Variants in ZCCHC8 observed in about 807,000 individuals in gnomAD.
ZCCHC8 encodes zinc finger CCHC-type containing 8.
ZCCHC8 carries 27 observed loss-of-function variants against 70.6 expected under a neutral mutation model. That is an observed-to-expected ratio of 0.38 (90% CI 0.28 to 0.53). ZCCHC8 has a LOEUF of 0.53. Among genes scored for constraint, ZCCHC8 ranks in the 20% least tolerant of loss-of-function variants. The probability of loss-of-function intolerance (pLI) is 0.81; values close to 1 mark genes in which losing one functional copy is unlikely to be tolerated. For synonymous variants in ZCCHC8, 293 were observed against 317.4 expected, an observed-to-expected ratio of 0.92 and a Z score of 0.82; for missense variants, 737 against 876.9, an observed-to-expected ratio of 0.84 and a Z score of 2.01.
At chr12:122,489,262 A>C (rs1468571415) in intron 5 of ZCCHC8, 124 bp downstream of exon 5, 1 of 828,002 alleles carries the variant, frequency 1.2e-6, no homozygotes, top group Non-Finnish European at 1.8e-6. Flanking sequence ...TATTTACCAC[A>C]AAAAGATGCT....
chr12:122,473,863 A>G lies in ZCCHC8; in HGVS notation c.1758T>C (p.Ile586=). 6.2e-7 allele frequency: 1 copy of G among 1,613,892 alleles called. No individual in the cohort carries two copies. The highest frequency in any genetic ancestry group is 8.5e-7 in the Non-Finnish European group (1 of 1,179,878). Residue 586 remains isoleucine, a synonymous_variant, in exon 14 of 14, where the codon ATT becomes ATC. Transcript: ENST00000633063. ...QTLDEPEVPE[I]FTKKSEAGHA... ...GTCCAGCTTCTGATTTCTTTGTAAA[A>G]ATCTCTGGTACCTCAGGCTCATCCA...
chr12:122,491,489 A>G (rs1327423997), intron 3 of ZCCHC8, among the ~76,000 whole-genome samples: 1 of 146,270 alleles, frequency 6.8e-6, no homozygotes, highest in Non-Finnish European at 1.5e-5. Flanking sequence ...AGATCTTGCC[A>G]TTGGACTCCA....
chr12:122,493,893 G>A lies in ZCCHC8; in HGVS notation c.243-1104C>T, dbSNP rs1435253243. Reference sequence around the variant, plus strand: ...CTCCCAAAGTGCTGGGATTACAGGCGTGAGCCACCGCGCCCAGCCTGTGCC... The same window carrying A: ...CTCCCAAAGTGCTGGGATTACAGGCATGAGCCACCGCGCCCAGCCTGTGCC... On this transcript the variant is annotated intron_variant, in intron 2 of 13. Coordinates refer to ENST00000633063, the MANE Select transcript of ZCCHC8 (RefSeq NM_017612.5). Among the ~76,000 whole-genome samples, 6 of 152,118 alleles carry A rather than the reference G, an allele frequency of 3.9e-5. No homozygotes were observed. In the East Asian group the frequency reaches 5.8e-4, roughly 15 times the overall value.
intron 5 of ZCCHC8, among the ~76,000 whole-genome samples, chr12:122,485,474 A>ATAT: frequency 6.6e-6 from 1 of 152,150 alleles, no homozygotes; most frequent in East Asian, 1.9e-4. Flanking sequence ...GTTGCCCTGA[A>ATAT]TATATGTTCT....
chr12:122,485,503 G>C (rs1046388520), intron 5 of ZCCHC8, among the ~76,000 whole-genome samples: 2 of 152,056 alleles, frequency 1.3e-5, no homozygotes, highest in African/African-American at 4.8e-5. Context: ...GTCAAGTTCT[G>C]ATCAGTCCTA....
chr12:122,478,081 T>C, intron 12 of ZCCHC8, 123 bp from the exon 13 acceptor site: 1 of 1,209,922 alleles, frequency 8.3e-7, no homozygotes, highest in Non-Finnish European at 1.2e-6. Flanking sequence ...TGGTGAATTT[T>C]GCCACTGTTT....
chr12:122,495,775 G>A (rs1264193659), intron 2 of ZCCHC8, among the ~76,000 whole-genome samples: 2 of 145,548 alleles, frequency 1.4e-5, no homozygotes, highest in Non-Finnish European at 3.0e-5. Flanking sequence ...TTGAACCTGG[G>A]AGGCAGAGGT....
intron 3 of ZCCHC8, 68 bp downstream of exon 3, chr12:122,492,647 G>T: frequency 1.0e-6 from 1 of 992,832 alleles, no homozygotes. Context: ...AATGAAAACA[G>T]CATATTTATA....
chr12:122,482,196 T>A, intron 8 of ZCCHC8, 109 bp from the exon 9 acceptor site: 1 of 1,225,916 alleles, frequency 8.2e-7, no homozygotes, highest in Non-Finnish European at 1.1e-6. Context: ...ATTTTAGTTT[T>A]AATGTATAAC....
At chr12:122,482,325 C>T in intron 8 of ZCCHC8, 1 of 448,346 alleles carries the variant, frequency 2.2e-6, no homozygotes, top group South Asian at 5.8e-5. Context: ...CAATTTAATT[C>T]TCATGTTTAT....
chr12:122,495,460 C>T (rs1957811538), intron 2 of ZCCHC8, among the ~76,000 whole-genome samples: 1 of 152,180 alleles, frequency 6.6e-6, no homozygotes, highest in African/African-American at 2.4e-5. Context: ...CGCTGTACTC[C>T]AGCCTGGGCA....
In ZCCHC8 at chr12:122,500,498, G is replaced by A. The variant is rs1957906695; in HGVS notation, c.199+144C>T. 1.8e-5 allele frequency: 19 copies of A among 1,084,876 alleles called. 1 individual carries two copies. In the South Asian group the frequency reaches 3.1e-4, roughly 18 times the overall value. 67.2% of individuals were successfully genotyped at this position (1,084,876 alleles called of 1,614,324 possible). A position where few individuals can be genotyped will look rare whatever the true frequency, so the allele number is the denominator to read the frequency against. On this transcript the variant is annotated intron_variant, in intron 1 of 13. Transcript: ENST00000633063. The surrounding 1 kb of genome is among the most constrained non-coding windows in gnomAD (Gnocchi z 4.8). ...AACCCTAGACTCTCGGTCCGCCGGCGGGTGACAGAAAGCACTTGGAATTCT... is the reference window on the plus strand; with the variant it reads ...AACCCTAGACTCTCGGTCCGCCGGCAGGTGACAGAAAGCACTTGGAATTCT...
At chr12:122,495,894 A>G (rs969694403) in intron 2 of ZCCHC8, among the ~76,000 whole-genome samples, 3 of 144,856 alleles carry the variant, frequency 2.1e-5, no homozygotes, top group Admixed American at 7.0e-5. Context: ...AAAAGGAGAA[A>G]CAGACTAAGC....
intron 5 of ZCCHC8, among the ~76,000 whole-genome samples, chr12:122,484,908 T>C (rs1957604085): frequency 6.6e-6 from 1 of 152,158 alleles, no homozygotes. Flanking sequence ...CCTTGTCTTC[T>C]AGGACATGCT....
rs2137317621 is a variant in ZCCHC8 at position 122,474,133 on chromosome 12, A to G, written c.1488T>C (p.Thr496=). The G allele has an allele frequency of 6.6e-7, 1 of 1,509,246 alleles. No homozygotes were observed. The allele number at this position is 1,509,246 out of a possible 1,614,324, so 93.5% of individuals were successfully genotyped here. A position where few individuals can be genotyped will look rare whatever the true frequency, so the allele number is the denominator to read the frequency against. The change falls in exon 14 of 14, where the codon ACT becomes ACC. Residue 496 remains threonine, a synonymous_variant. Coordinates refer to ENST00000633063, the MANE Select transcript of ZCCHC8 (RefSeq NM_017612.5). ...PPLPKGTPPL[T]PSDSPQTRTA... is the part of the protein sequence containing the mutation. ...TTCTGGTCTGGGGTGAGTCACTGGG[A>G]GTCAGCGGCGGGGTGCCCTTTGGGA...
intron 12 of ZCCHC8, 73 bp from the exon 13 acceptor site, chr12:122,478,031 AATG>A (rs1957454278): frequency 7.7e-7 from 1 of 1,304,880 alleles, no homozygotes; most frequent in African/African-American, 1.5e-5. Flanking sequence ...CTTCACTTAA[AATG>A]ATGTAGAAAA....
Position 122,478,267 on chromosome 12 carries a change from G to A in ZCCHC8, c.1166C>T (p.Pro389Leu). Residue 389 changes from proline (P) to leucine (L), a missense_variant, in exon 12 of 14, where the codon CCA becomes CTA. Pro to Leu is a moderately conservative substitution (Grantham distance 98). Coordinates refer to ENST00000633063, the MANE Select transcript of ZCCHC8 (RefSeq NM_017612.5). Reference protein sequence around the residue: ...PDEWRIFGSIPMQACQQKDVF... With the variant: ...PDEWRIFGSILMQACQQKDVF... Reference sequence around the variant, plus strand: ...ATCCTTCTGCTGACATGCCTGCATTGGTATGGAACCAAAGATCCTCCATTC... The same window carrying A: ...ATCCTTCTGCTGACATGCCTGCATTAGTATGGAACCAAAGATCCTCCATTC... 1 of 1,600,160 alleles carries A rather than the reference G, an allele frequency of 6.2e-7. No homozygotes were observed. Among genetic ancestry groups the A allele is most frequent in the Non-Finnish European group, 8.5e-7 (1 of 1,173,348 alleles).
At position 122,490,675 on chromosome 12, in the gene ZCCHC8, A is replaced by G. The variant is rs956403402; in HGVS notation, c.318-108T>C. ...TCAAGTGTGAATGTTGTTGTTTTTC[A>G]GAAGTTTAATAAATCACTGACTCTG... is the stretch of plus-strand genomic sequence containing the variant. On this transcript the variant is annotated intron_variant, in intron 3 of 13. Coordinates refer to ENST00000633063, the MANE Select transcript of ZCCHC8 (RefSeq NM_017612.5). 8 of 626,372 alleles carry G rather than the reference A, an allele frequency of 1.3e-5. No homozygotes were observed. In the South Asian group the frequency reaches 2.1e-4, roughly 16 times the overall value. 38.8% of individuals were successfully genotyped at this position (626,372 alleles called of 1,614,324 possible).
At chr12:122,497,734 C>T (rs1957847570) in intron 2 of ZCCHC8, among the ~76,000 whole-genome samples, 1 of 151,674 alleles carries the variant, frequency 6.6e-6, no homozygotes, top group Admixed American at 6.6e-5. Context: ...CTAGGCTGGG[C>T]ATGGTGGCTC....
Sources: allele counts gnomAD v4.1 joint callset (sites outside exome capture counted in the v4.1 genomes callset), GRCh38; gene constraint gnomAD v4.1.1; non-coding constraint Gnocchi (gnomAD v3.1); transcripts MANE v1.5; gene names NCBI Gene and HGNC (gene_info 2026-07-23, HGNC 2026-07-21).